The following SCARB1 variants were observed in gnomAD, a reference collection of about 807,000 sequenced individuals.
SCARB1 encodes CD36 and LIMPII analogous 1.
Under a neutral mutation model 57.2 loss-of-function variants are expected in SCARB1, and 30 were observed. That is an observed-to-expected ratio of 0.52 (90% CI 0.39 to 0.71). The LOEUF is 0.71. Ranked by LOEUF, SCARB1 falls within the 30% of genes least tolerant of loss-of-function variation. The probability of loss-of-function intolerance (pLI) is 0.00; values close to 1 mark genes in which losing one functional copy is unlikely to be tolerated. For synonymous variants in SCARB1, 249 were observed against 268.3 expected (o/e 0.93, Z 0.70); for missense variants, 543 against 671.2 (o/e 0.81, Z 2.11).
intron 1 of SCARB1, among the ~76,000 whole-genome samples, chr12:124,858,572 AT>A (rs545810290): frequency 1.7e-4 from 25 of 150,216 alleles, no homozygotes; most frequent in African/African-American, 3.9e-4. Flanking sequence ...TTCATTCGTA[AT>A]TTTTTTTTTA....
At chr12:124,804,163 C>T (rs1282925913) in intron 7 of SCARB1, among the ~76,000 whole-genome samples, 1 of 152,214 alleles carries the variant, frequency 6.6e-6, no homozygotes, top group African/African-American at 2.4e-5. Flanking sequence ...CATAGTCCAC[C>T]TCGGCTACTG....
At position 124,814,370 on chromosome 12, in the gene SCARB1, G is replaced by T; in HGVS notation, c.462C>A (p.Thr154=). The T allele has an allele frequency of 6.2e-7, 1 of 1,614,018 alleles. No homozygotes were observed. The highest frequency in any genetic ancestry group is 1.1e-5 in the South Asian group (1 of 91,058). The part of the protein sequence containing the change: ...AAVMMENKPM[T]LKLIMTLAFT... ...ATGCCAAGGTCATGATGAGCTTCAGGGTCATGGGCTTATTCTCCATCATCA... is the reference window on the plus strand; with the variant it reads ...ATGCCAAGGTCATGATGAGCTTCAGTGTCATGGGCTTATTCTCCATCATCA... The change falls in exon 4 of 13, where the codon ACC becomes ACA. Residue 154 remains threonine, a synonymous_variant. Transcript: ENST00000261693. This position sits in a 1 kb window ranked among gnomAD's most constrained non-coding sequence, Gnocchi z 4.7.
At position 124,796,491 on chromosome 12, in the gene SCARB1, T is replaced by C. The variant is rs115202481; in HGVS notation, c.1129-1223A>G. Among the ~76,000 whole-genome samples, 854 of 152,206 alleles carry C rather than the reference T, an allele frequency of 5.6e-3. 10 individuals carry two copies. Among genetic ancestry groups the C allele is most frequent in the African/African-American group, 0.02 (826 of 41,532 alleles). On this transcript the variant is annotated intron_variant, in intron 8 of 12. Coordinates refer to ENST00000261693, the MANE Select transcript of SCARB1 (RefSeq NM_005505.5). The surrounding 1 kb of genome is among the most constrained non-coding windows in gnomAD (Gnocchi z 4.0). ...GTTCCAGAATGAAGTCAGGAAATGA[T>C]AGTGGAAATAAAACTAGATTTGAGG...
intron 1 of SCARB1, among the ~76,000 whole-genome samples, chr12:124,859,371 CA>C (rs1372592824): frequency 1.3e-5 from 2 of 148,494 alleles, no homozygotes; most frequent in Non-Finnish European, 3.0e-5. Context: ...ACTAAAAATA[CA>C]AAAAAAAAAT....
rs367868503 is a variant in SCARB1, at chr12:124,817,652, A to G, written c.182T>C (p.Ile61Thr). ...LSFNMWKEIP[I>T]PFYLSVYFFD... ...GAAGTAGACGGAGAGATAGAAGGGG[A>G]TAGGGATCTCCTTCCACATGTTGAA... The change falls in exon 2 of 13, where the codon ATC becomes ACC. Residue 61 changes from isoleucine to threonine, a missense_variant. Ile to Thr is a moderately conservative substitution (Grantham distance 89). Transcript: ENST00000261693. The surrounding 1 kb of genome is among the most constrained non-coding windows in gnomAD (Gnocchi z 4.8). 3.7e-6 allele frequency: 6 copies of G among 1,613,996 alleles called. No homozygotes were observed. In the African/African-American group the frequency reaches 4.0e-5, roughly 11 times the overall value.
In SCARB1 at chr12:124,778,543, G is replaced by A. The variant is rs1059413; in HGVS notation, c.*44C>T. ...GGTGTAGGGGCTGGGGGGCCGGTCA[G>A]GCCCAGCGGCCAGGCCTGGCTGGCT... On this transcript the variant is annotated 3_prime_UTR_variant, in exon 13 of 13. Coordinates refer to ENST00000261693, the MANE Select transcript of SCARB1 (RefSeq NM_005505.5). The A allele has an allele frequency of 2.2e-6, 3 of 1,381,410 alleles. No homozygotes were observed. The highest frequency in any genetic ancestry group is 3.1e-5 in the African/African-American group (2 of 65,398). The allele number at this position is 1,381,410 out of a possible 1,614,324, so 85.6% of individuals were successfully genotyped here.
chr12:124,793,897 G>C (rs553085197), intron 9 of SCARB1, among the ~76,000 whole-genome samples: 17 of 152,152 alleles, frequency 1.1e-4, no homozygotes, highest in African/African-American at 4.1e-4. Flanking sequence ...CGGCCCAGGC[G>C]TGGAAACAAC....
chr12:124,786,294 C>T (rs1027506182), intron 11 of SCARB1, 63 bp downstream of exon 11: 1 of 1,606,420 alleles, frequency 6.2e-7, no homozygotes, highest in Non-Finnish European at 8.5e-7. Flanking sequence ...GATCTGAGGC[C>T]CCTTTCCCCC....
At position 124,817,073 on chromosome 12, in the gene SCARB1, CATGTGTGTGTATGTAT is replaced by C. The variant is rs1950751607; in HGVS notation, c.284+461_284+476del. ...GTATGTGTGTATGCATGTGTAGGTA[CATGTGTGTGTATGTAT>C]GTGTGTGTGTATGTGTATGTACGTG... is the stretch of plus-strand genomic sequence containing the variant. On this transcript the variant is annotated intron_variant, in intron 2 of 12. Transcript: ENST00000261693. The surrounding 1 kb of genome is among the most constrained non-coding windows in gnomAD (Gnocchi z 4.8). Among the ~76,000 whole-genome samples, 1 of 147,496 alleles carries C rather than the reference CATGTGTGTGTATGTAT, an allele frequency of 6.8e-6. No individual in the cohort carries two copies.
chr12:124,824,670 A>G (rs1197609522), intron 1 of SCARB1, among the ~76,000 whole-genome samples: 1 of 152,230 alleles, frequency 6.6e-6, no homozygotes, highest in Admixed American at 6.5e-5. Flanking sequence ...ACCGCTGTGC[A>G]CAGCGGGGGT....
At chr12:124,818,196 G>C (rs1198016200) in intron 1 of SCARB1, among the ~76,000 whole-genome samples, 3 of 152,166 alleles carry the variant, frequency 2.0e-5, no homozygotes, top group Non-Finnish European at 2.9e-5. Flanking sequence ...AGCTATGTGG[G>C]GCTTTACCAT....
In SCARB1 at chr12:124,858,357, C is replaced by T. The variant is rs1189312879; in HGVS notation, c.126+5238G>A. On this transcript the variant is annotated intron_variant, in intron 1 of 12. Coordinates refer to ENST00000261693, the MANE Select transcript of SCARB1 (RefSeq NM_005505.5). ...ACAGTAAGCTGCCCATGAATGGATG[C>T]CATGAAGTTCACAATCGCGGCCCTT... is the stretch of plus-strand genomic sequence containing the variant. Among the ~76,000 whole-genome samples the T allele has an allele frequency of 2.6e-5, 4 of 152,116 alleles. No individual in the cohort carries two copies. In the East Asian group the frequency reaches 7.7e-4, roughly 29 times the overall value.
In SCARB1 at chr12:124,786,417, G is replaced by A. The variant is rs1397784922; in HGVS notation, c.1341C>T (p.Val447=). The A allele has an allele frequency of 6.2e-7, 1 of 1,614,190 alleles. No homozygotes were observed. The highest frequency in any genetic ancestry group is 8.5e-7 in the Non-Finnish European group (1 of 1,180,034). ...MPKVMHYAQY[V]LLALGCVLLL... ...GCAGGACGCAGCCCAGCGCCAGGAG[G>A]ACGTACTGGGCATAGTGCATCACCT... The change falls in exon 11 of 13, where the codon GTC becomes GTT. Residue 447 remains valine (V), a synonymous_variant. Transcript: ENST00000261693.
intron 1 of SCARB1, among the ~76,000 whole-genome samples, chr12:124,832,002 A>G (rs189606472): frequency 9.7e-4 from 147 of 152,316 alleles, no homozygotes; most frequent in African/African-American, 3.5e-3. Context: ...TGAGGGACAA[A>G]CGCAATGTGG....
intron 7 of SCARB1, among the ~76,000 whole-genome samples, chr12:124,802,254 G>A (rs1257748580): frequency 6.6e-6 from 1 of 152,000 alleles, no homozygotes; most frequent in Non-Finnish European, 1.5e-5. Flanking sequence ...TGGGAGCCCT[G>A]CTCTTTTTCT....
At chr12:124,860,719 G>A (rs1388181818) in intron 1 of SCARB1, among the ~76,000 whole-genome samples, 1 of 152,232 alleles carries the variant, frequency 6.6e-6, no homozygotes, top group African/African-American at 2.4e-5. Context: ...GAAGAGGGAT[G>A]TGTCGGGATA....
chr12:124,780,729 A>C (rs546457731), intron 12 of SCARB1, among the ~76,000 whole-genome samples: 4 of 152,350 alleles, frequency 2.6e-5, no homozygotes, highest in African/African-American at 9.6e-5. Flanking sequence ...GGGAGACCCC[A>C]GTTTTGTTTG....
At chr12:124,780,324 G>C (rs1873197680) in intron 12 of SCARB1, among the ~76,000 whole-genome samples, 2 of 152,194 alleles carry the variant, frequency 1.3e-5, no homozygotes, top group South Asian at 4.1e-4. Flanking sequence ...CCTACAGCAG[G>C]CCTCATCTGC....
At chr12:124,824,239 A>G (rs558349485) in intron 1 of SCARB1, among the ~76,000 whole-genome samples, 1 of 152,214 alleles carries the variant, frequency 6.6e-6, no homozygotes, top group South Asian at 2.1e-4. Flanking sequence ...GACACATGCC[A>G]CCACATGGAC....
Sources: gnomAD v4.1 joint callset for allele counts (sites outside exome capture counted in the v4.1 genomes callset) on GRCh38, gnomAD v4.1.1 for gene constraint, Gnocchi (gnomAD v3.1) non-coding constraint, MANE v1.5 for transcripts, NCBI Gene and HGNC (gene_info 2026-07-23, HGNC 2026-07-21) for gene names.